Variants in PPP2R2C observed in about 807,000 individuals in gnomAD.
The protein encoded by PPP2R2C is protein phosphatase 2 regulatory subunit Bgamma.
PPP2R2C carries 10 observed loss-of-function variants against 45.3 expected under a neutral mutation model. The ratio of observed to expected loss-of-function variants is 0.22; its 90% CI spans 0.14 to 0.37. The LOEUF is 0.37. PPP2R2C is among the 10% of genes least tolerant of loss of function. PPP2R2C has a pLI of 1.00. For synonymous variants in PPP2R2C, 257 were observed against 245.4 expected (o/e 1.05, Z -0.44); for missense variants, 308 against 619.7 (o/e 0.50, Z 5.34).
At chr4:6,531,988 T>C (rs1724419598) in intron 2 of PPP2R2C, among the ~76,000 whole-genome samples, 1 of 152,202 alleles carries the variant, frequency 6.6e-6, no homozygotes, top group Non-Finnish European at 1.5e-5. Flanking sequence ...CAGTATGGAT[T>C]CCATTTTCTG....
intron 1 of PPP2R2C, among the ~76,000 whole-genome samples, chr4:6,413,350 G>A (rs10212731): frequency 0.27 from 41,117 of 152,118 alleles, 5,939 homozygotes; most frequent in Admixed American, 0.39. Flanking sequence ...TCTCATACTC[G>A]TGCATGTGTG....
chr4:6,399,073 G>A (rs1717243715), intron 1 of PPP2R2C, among the ~76,000 whole-genome samples: 2 of 152,286 alleles, frequency 1.3e-5, no homozygotes, highest in Admixed American at 6.5e-5. Flanking sequence ...CAAATCACTG[G>A]CTACCCAGGG....
At chr4:6,550,774 T>A (rs1482623072) in intron 1 of PPP2R2C, among the ~76,000 whole-genome samples, 1 of 152,224 alleles carries the variant, frequency 6.6e-6, no homozygotes, top group Non-Finnish European at 1.5e-5. Flanking sequence ...GCCTCCTAAG[T>A]AGCTGGGACT....
At chr4:6,484,460 T>C (rs1348938898) in intron 2 of PPP2R2C, among the ~76,000 whole-genome samples, 6 of 151,798 alleles carry the variant, frequency 4.0e-5, no homozygotes, top group Admixed American at 3.3e-4. Flanking sequence ...GTTTTGGCTA[T>C]CCTAGGTCCT....
At chr4:6,447,340 T>C (rs1266218161) in intron 1 of PPP2R2C, among the ~76,000 whole-genome samples, 1 of 152,068 alleles carries the variant, frequency 6.6e-6, no homozygotes, top group Non-Finnish European at 1.5e-5. Flanking sequence ...GGGAGGAACC[T>C]CCCACCCTCC....
At chr4:6,406,450 G>A (rs1231552843) in intron 1 of PPP2R2C, among the ~76,000 whole-genome samples, 1 of 152,322 alleles carries the variant, frequency 6.6e-6, no homozygotes, top group Non-Finnish European at 1.5e-5. Context: ...CACACTCTTG[G>A]CAGGGTGCAG....
Position 6,378,399 on chromosome 4 carries a change from C to A in PPP2R2C, c.334+8G>T, listed in dbSNP as rs201598243. The A allele has an allele frequency of 4.3e-6, 7 of 1,614,082 alleles. No homozygotes were observed. In the East Asian group the frequency reaches 1.1e-4, roughly 26 times the overall value. On this transcript the variant is annotated splice_region_variant and intron_variant, in intron 3 of 8. Coordinates refer to ENST00000382599, the MANE Select transcript of PPP2R2C (RefSeq NM_020416.4). The surrounding 1 kb of genome is among the most constrained non-coding windows in gnomAD (Gnocchi z 5.2). ...TGCCCATGCAAGCGAGGCCGGGCAG[C>A]GCCTCACCGTTGGTGGACAGGAGTG... is the stretch of plus-strand genomic sequence containing the variant.
At chr4:6,419,263 C>G (rs1718807853) in intron 1 of PPP2R2C, among the ~76,000 whole-genome samples, 1 of 152,008 alleles carries the variant, frequency 6.6e-6, no homozygotes, top group South Asian at 2.1e-4. Context: ...ACTAAAAACA[C>G]ACACACACAA....
chr4:6,512,095 G>T (rs1334521843), intron 2 of PPP2R2C, among the ~76,000 whole-genome samples: 1 of 51,560 alleles, frequency 1.9e-5, no homozygotes, highest in Non-Finnish European at 3.7e-5. Flanking sequence ...GGTGGTGGTG[G>T]TGGTGGTGGT....
intron 5 of PPP2R2C, among the ~76,000 whole-genome samples, chr4:6,361,467 G>T (rs568474090): frequency 2.0e-5 from 3 of 152,332 alleles, no homozygotes; most frequent in African/African-American, 7.2e-5. Context: ...GCCTTTCTGT[G>T]CTCTGCTTTT....
At chr4:6,409,811 G>T (rs146399279) in intron 1 of PPP2R2C, among the ~76,000 whole-genome samples, 2 of 152,258 alleles carry the variant, frequency 1.3e-5, no homozygotes, top group Admixed American at 6.5e-5. Context: ...AACATGCCCC[G>T]CTCCCCAAAC....
At chr4:6,391,859 A>C (rs10011998) in intron 1 of PPP2R2C, among the ~76,000 whole-genome samples, 37,341 of 152,158 alleles carry the variant, frequency 0.25, 4,902 homozygotes, top group African/African-American at 0.34. Context: ...CCTGCGTTTG[A>C]ATCCCACCCT....
intron 1 of PPP2R2C, among the ~76,000 whole-genome samples, chr4:6,398,878 G>A (rs1261723197): frequency 6.6e-6 from 1 of 152,108 alleles, no homozygotes; most frequent in African/African-American, 2.4e-5. Context: ...AATAAATCAT[G>A]GCATATTCAC....
Position 6,345,497 on chromosome 4 carries a change from G to A in PPP2R2C, c.790+2349C>T, listed in dbSNP as rs1459729511. ...CATCCTGGATCATTAGGGGTGGCAG[G>A]AACAAGGCGATCACAAGGGCCTTTA... On this transcript the variant is annotated intron_variant, in intron 6 of 8. Transcript: ENST00000382599. This position sits in a 1 kb window ranked among gnomAD's most constrained non-coding sequence, Gnocchi z 5.3. Among the ~76,000 whole-genome samples, 1 of 152,204 alleles carries A rather than the reference G, an allele frequency of 6.6e-6. No homozygotes were observed. The highest frequency in any genetic ancestry group is 1.5e-5 in the Non-Finnish European group (1 of 68,032).
At position 6,542,709 on chromosome 4, in the gene PPP2R2C, A is replaced by AAAAAAGAAAAG. The variant is rs1553908406; in HGVS notation, c.-58-7333_-58-7332insCTTTTCTTTTT. 1.3e-4 allele frequency among the ~76,000 whole-genome samples: 16 copies of AAAAAAGAAAAG among 127,836 alleles called. 1 individual carries two copies. Among genetic ancestry groups the AAAAAAGAAAAG allele is most frequent in the African/African-American group, 4.3e-4 (15 of 35,160 alleles). 83.9% of individuals were successfully genotyped at this position (127,836 alleles called of 152,430 possible). Reference sequence around the variant, plus strand: ...CAGAGCAAGACTCTGTCTCAAAAAAAAAAAAGAAAAAGAAAAAAAGATCAT... The same window carrying AAAAAAGAAAAG: ...CAGAGCAAGACTCTGTCTCAAAAAAAAAAAAGAAAAGAAAAAGAAAAAGAAAAAAAGATCAT... On this transcript the variant is annotated intron_variant, in intron 1 of 9. Transcript: ENST00000506140.
chr4:6,504,466 A>T (rs891537436), intron 2 of PPP2R2C, among the ~76,000 whole-genome samples: 7 of 152,304 alleles, frequency 4.6e-5, no homozygotes, highest in Middle Eastern at 3.4e-3. Context: ...GAAAAAAAAA[A>T]TCAACTGAGA....
At chr4:6,547,209 A>G (rs963066107) in intron 1 of PPP2R2C, among the ~76,000 whole-genome samples, 2 of 152,158 alleles carry the variant, frequency 1.3e-5, no homozygotes, top group African/African-American at 4.8e-5. Context: ...GAGATTTTAA[A>G]GTAAAATCAC....
At chr4:6,469,472 G>C (rs908277151) in intron 1 of PPP2R2C, among the ~76,000 whole-genome samples, 2 of 152,176 alleles carry the variant, frequency 1.3e-5, no homozygotes, top group African/African-American at 2.4e-5. Flanking sequence ...TCCACTGTTT[G>C]CCCACAGGCT....
In PPP2R2C at chr4:6,330,585, G is replaced by C. The variant is rs1577069822; in HGVS notation, c.961-1232C>G. ...TCCGCTAACAGATGCGTGTGGGCTCGCATAGTCACTCTCCCCTGGGTCACC... is the reference window on the plus strand; with the variant it reads ...TCCGCTAACAGATGCGTGTGGGCTCCCATAGTCACTCTCCCCTGGGTCACC... On this transcript the variant is annotated intron_variant, in intron 7 of 8. Coordinates refer to ENST00000382599, the MANE Select transcript of PPP2R2C (RefSeq NM_020416.4). This position sits in a 1 kb window ranked among gnomAD's most constrained non-coding sequence, Gnocchi z 7.0. Among the ~76,000 whole-genome samples, 1 of 152,196 alleles carries C rather than the reference G, an allele frequency of 6.6e-6. No homozygotes were observed.
Sources: gnomAD v4.1 joint callset for allele counts (sites outside exome capture counted in the v4.1 genomes callset) on GRCh38, gnomAD v4.1.1 for gene constraint, Gnocchi (gnomAD v3.1) non-coding constraint, MANE v1.5 for transcripts, NCBI Gene and HGNC (gene_info 2026-07-23, HGNC 2026-07-21) for gene names.